KIF15: variants seen among roughly 807,000 people sequenced by gnomAD.
KIF15 encodes kinesin family member 15, also known as kinesin-like protein KIF15.
Under a neutral mutation model 190.6 loss-of-function variants are expected in KIF15, and 140 were observed. The ratio of observed to expected loss-of-function variants is 0.73; its 90% CI spans 0.64 to 0.84. KIF15 has a LOEUF of 0.84. Ranked by LOEUF, KIF15 falls within the 40% of genes least tolerant of loss-of-function variation. The pLI, the probability that KIF15 is intolerant of heterozygous loss-of-function variation, is 0.00. For synonymous variants in KIF15, 528 were observed against 551.3 expected, an observed-to-expected ratio of 0.96 and a Z score of 0.59; for missense variants, 1,372 against 1,584.4, an observed-to-expected ratio of 0.87 and a Z score of 2.28.
At chr3:44,844,237 AGAGATTTGAGGATGGTAATGGTGGCTAT>A (rs1698743347) in intron 30 of KIF15, among the ~76,000 whole-genome samples, 1 of 152,232 alleles carries the variant, frequency 6.6e-6, no homozygotes, top group Admixed American at 6.5e-5. Context: ...ATGAGGCAGG[AGAGATTTGAGGATGGTAATGGTGGCTAT>A]GCTAAAATCT....
chr3:44,788,051 C>T (rs1706498364), intron 7 of KIF15, among the ~76,000 whole-genome samples: 1 of 152,142 alleles, frequency 6.6e-6, no homozygotes, highest in Admixed American at 6.5e-5. Flanking sequence ...GACGGTTTCA[C>T]CATGTTGCCC....
At chr3:44,841,008 C>T (rs747944070) in intron 28 of KIF15, 66 bp from the exon 29 acceptor site, 780 of 1,393,366 alleles carry the variant, frequency 5.6e-4, no homozygotes, top group Non-Finnish European at 7.4e-4. Flanking sequence ...TTGACATTTA[C>T]GTTTAAAAGA....
intron 16 of KIF15, among the ~76,000 whole-genome samples, chr3:44,810,334 C>T (rs1034883817): frequency 2.0e-5 from 3 of 152,104 alleles, no homozygotes; most frequent in Non-Finnish European, 4.4e-5. Context: ...TCACTGCAAC[C>T]TAGAACACCT....
At chr3:44,851,048 A>T (rs1218494209) in intron 32 of KIF15, among the ~76,000 whole-genome samples, 1 of 152,206 alleles carries the variant, frequency 6.6e-6, no homozygotes, top group African/African-American at 2.4e-5. Flanking sequence ...GGATTGCTTG[A>T]GGCCATGAGT....
Position 44,802,913 on chromosome 3 carries a change from C to G in KIF15, c.1609C>G (p.Gln537Glu), listed in dbSNP as rs749993286. 11 of 1,612,180 alleles carry G rather than the reference C, an allele frequency of 6.8e-6. No individual in the cohort carries two copies. The East Asian group carries it at 2.0e-4, about 29-fold the overall frequency. The stretch of plus-strand genomic sequence containing the variant: ...ATTATTAGAGCCTGTGAAAAGAGCT[C>G]AAGAAATGGATGCCCAGACCATTGC... ...LRLLEPVKRA[Q>E]EMDAQTIAKL... Residue 537 changes from glutamine to glutamate, a missense_variant, in exon 14 of 35, where the codon CAA (glutamine) becomes GAA (glutamate). Physicochemically the swap from Gln to Glu is conservative, Grantham distance 29. Coordinates refer to ENST00000326047, the MANE Select transcript of KIF15 (RefSeq NM_020242.3).
chr3:44,789,689 T>TATATATATAA (rs1706590791), intron 7 of KIF15, among the ~76,000 whole-genome samples: 1 of 97,796 alleles, frequency 1.0e-5, no homozygotes, highest in Admixed American at 1.1e-4. Flanking sequence ...TATATATATA[T>TATATATATAA]ATAAAATAGA....
Position 44,801,900 on chromosome 3 carries a change from G to T in KIF15, c.1435G>T (p.Gly479Ter). 3.1e-6 allele frequency: 5 copies of T among 1,613,950 alleles called. No individual in the cohort carries two copies. The highest frequency in any genetic ancestry group is 4.2e-6 in the Non-Finnish European group (5 of 1,179,886). The change falls in exon 13 of 35, where the codon GGA becomes TGA. Residue 479 changes from glycine to a stop codon, truncating the protein, a stop_gained. Transcript: ENST00000326047. LOFTEE classifies it high-confidence loss of function. ...GGAAAAGCTCCACAAGGAATCCCGG[G>T]GAGGTTTTCTGCCTGAGGAGCAGGA... ...RLEKLHKESR[G>*]GFLPEEQDRL...
intron 1 of KIF15, chr3:44,765,928 G>GA: frequency 6.4e-6 from 1 of 156,544 alleles, no homozygotes; most frequent in Non-Finnish European, 1.4e-5. Context: ...CACCTCCTGA[G>GA]TTCAAGCGAT....
At chr3:44,844,945 G>A (rs1698775902) in intron 30 of KIF15, among the ~76,000 whole-genome samples, 1 of 152,166 alleles carries the variant, frequency 6.6e-6, no homozygotes, top group South Asian at 2.1e-4. Context: ...CAGGTGCCTG[G>A]TTAACTGTAA....
At chr3:44,819,284 T>A (rs1479195902) in intron 20 of KIF15, among the ~76,000 whole-genome samples, 1 of 152,188 alleles carries the variant, frequency 6.6e-6, no homozygotes, top group Admixed American at 6.5e-5. Flanking sequence ...TGCCTTCTGC[T>A]AGCTTTTGAA....
At chr3:44,833,111 G>A (rs577394649) in intron 26 of KIF15, among the ~76,000 whole-genome samples, 62 of 152,140 alleles carry the variant, frequency 4.1e-4, no homozygotes, top group Non-Finnish European at 7.1e-4. Context: ...CACAGGCTAC[G>A]GAGTTGGAAT....
At chr3:44,801,375 G>GT in intron 11 of KIF15, 75 bp from the exon 12 acceptor site, 1 of 857,838 alleles carries the variant, frequency 1.2e-6, no homozygotes, top group Non-Finnish European at 1.9e-6. Flanking sequence ...TCAATTAAAG[G>GT]CTATCTGTTC....
In KIF15 at chr3:44,801,768, C is replaced by G; in HGVS notation, c.1303C>G (p.Leu435Val). ...CCAAATTATGAATTTCTTTAAGTCT[C>G]TGATAGAAAAAGTTACCCAATTAGA... ...FKKSEQEKKS[L>V]IEKVTQLEDL... The change falls in exon 13 of 35, where the codon CTG becomes GTG. Residue 435 changes from leucine to valine, a missense_variant. By Grantham distance (32) the Leu-to-Val change is conservative. Transcript: ENST00000326047. 1 of 1,547,668 alleles carries G rather than the reference C, an allele frequency of 6.5e-7. No homozygotes were observed. Among genetic ancestry groups the G allele is most frequent in the Non-Finnish European group, 8.9e-7 (1 of 1,128,932 alleles).
intron 10 of KIF15, among the ~76,000 whole-genome samples, chr3:44,799,930 A>G (rs916200041): frequency 5.9e-5 from 9 of 152,082 alleles, no homozygotes; most frequent in African/African-American, 2.2e-4. Flanking sequence ...GGGAGCTAGG[A>G]AAGAAGGGAA....
chr3:44,818,834 G>C (rs1298751052), intron 20 of KIF15, among the ~76,000 whole-genome samples: 1 of 152,128 alleles, frequency 6.6e-6, no homozygotes, highest in Non-Finnish European at 1.5e-5. Context: ...GCTCCTCTTT[G>C]TACCTCTGAT....
At chr3:44,790,695 CTTTTTTTTTTTT>C (rs56414094) in intron 7 of KIF15, among the ~76,000 whole-genome samples, 14 of 97,940 alleles carry the variant, frequency 1.4e-4, no homozygotes, top group African/African-American at 5.0e-4. Context: ...TTTTCTGTTT[CTTTTTTTTTTTT>C]TTTTTTTTTT....
intron 29 of KIF15, among the ~76,000 whole-genome samples, chr3:44,841,892 G>A (rs936324681): frequency 6.6e-6 from 1 of 152,018 alleles, no homozygotes; most frequent in Admixed American, 6.6e-5. Flanking sequence ...TAACCACATC[G>A]CTAAGCATTC....
At chr3:44,861,813 C>T in intron 6 of KIF15, 1 of 1,249,490 alleles carries the variant, frequency 8.0e-7, no homozygotes, top group Non-Finnish European at 1.1e-6. Flanking sequence ...CCCAAGGGGC[C>T]TGCCGGAGCG....
rs760090070 is a variant in KIF15 at position 44,778,199 on chromosome 3, G to A, written c.323+8G>A. On this transcript the variant is annotated splice_region_variant and intron_variant, in intron 4 of 34. Coordinates refer to ENST00000326047, the MANE Select transcript of KIF15 (RefSeq NM_020242.3). ...TGGTACCATCTTTGCATAGTAAGTTGTTGACTGTGTCCTTATACATAGTAC... is the reference window on the plus strand; with the variant it reads ...TGGTACCATCTTTGCATAGTAAGTTATTGACTGTGTCCTTATACATAGTAC... 8 of 1,602,782 alleles carry A rather than the reference G, an allele frequency of 5.0e-6. No individual in the cohort carries two copies. The Admixed American group carries it at 1.0e-4, about 20-fold the overall frequency.
Sources: gnomAD v4.1 joint callset for allele counts (sites outside exome capture counted in the v4.1 genomes callset) on GRCh38, gnomAD v4.1.1 for gene constraint, MANE v1.5 for transcripts, NCBI Gene and HGNC (gene_info 2026-07-23, HGNC 2026-07-21) for gene names.